Variants in FOXP2 observed in about 807,000 individuals in gnomAD.
The protein encoded by FOXP2 is forkhead box P2.
FOXP2 carries 12 observed loss-of-function variants against 115.8 expected under a neutral mutation model. That is an observed-to-expected ratio of 0.10 (90% confidence interval 0.07 to 0.17). The LOEUF (loss-of-function observed/expected upper bound fraction) is 0.17. Among genes scored for constraint, FOXP2 ranks in the 10% least tolerant of loss-of-function variants. The probability of loss-of-function intolerance (pLI) is 1.00; values close to 1 mark genes in which losing one functional copy is unlikely to be tolerated. For missense variants in FOXP2, 629 were observed against 843.5 expected (o/e 0.75, Z 3.15); for synonymous variants, 328 against 297.7 (o/e 1.10, Z -1.05).
At chr7:114,446,663 TA>T (rs1794846486) in intron 2 of FOXP2, among the ~76,000 whole-genome samples, 1 of 151,874 alleles carries the variant, frequency 6.6e-6, no homozygotes, top group Non-Finnish European at 1.5e-5. Flanking sequence ...CAATGCAAAA[TA>T]AAAATTGCAT....
At chr7:114,668,550 C>T (rs1807303093) in intron 16 of FOXP2, 1 of 152,042 alleles carries the variant, frequency 6.6e-6, no homozygotes, top group South Asian at 2.1e-4. Context: ...GAGGGTTTCC[C>T]AAGGAATTTT....
At chr7:114,567,829 A>G (rs1801100098) in intron 3 of FOXP2, among the ~76,000 whole-genome samples, 1 of 152,056 alleles carries the variant, frequency 6.6e-6, no homozygotes, top group African/African-American at 2.4e-5. Flanking sequence ...TGTCATAGAA[A>G]GCTTTAGGGA....
At chr7:114,219,320 A>T (rs1449954661) in intron 1 of FOXP2, among the ~76,000 whole-genome samples, 1 of 152,206 alleles carries the variant, frequency 6.6e-6, no homozygotes, top group African/African-American at 2.4e-5. Flanking sequence ...AAGTGGAAAC[A>T]GTTCTTTGTT....
chr7:114,246,052 A>G (rs572648932), intron 1 of FOXP2, among the ~76,000 whole-genome samples: 1 of 152,190 alleles, frequency 6.6e-6, no homozygotes, highest in African/African-American at 2.4e-5. Flanking sequence ...TTACAGTGAC[A>G]TGATGGATTT....
intron 1 of FOXP2, among the ~76,000 whole-genome samples, chr7:114,248,134 A>T (rs1412621881): frequency 6.6e-6 from 1 of 151,356 alleles, no homozygotes; most frequent in African/African-American, 2.4e-5. Flanking sequence ...GTATAAGTTC[A>T]GTCTGTGTCT....
intron 2 of FOXP2, among the ~76,000 whole-genome samples, chr7:114,455,768 G>A (rs562446725): frequency 1.2e-4 from 18 of 151,944 alleles, no homozygotes; most frequent in Non-Finnish European, 1.9e-4. Context: ...TGACCCTACC[G>A]CTTTTTCTCT....
chr7:114,330,783 C>T (rs776799492), intron 2 of FOXP2, among the ~76,000 whole-genome samples: 18 of 151,808 alleles, frequency 1.2e-4, no homozygotes, highest in South Asian at 4.2e-4. Context: ...ACAGTAAATC[C>T]GACAATAATA....
In FOXP2 at chr7:114,689,798, AAGGAAG is replaced by A; in HGVS notation, c.2023_2028del (p.Glu675_Glu676del). The A allele has an allele frequency of 6.2e-7, 1 of 1,613,380 alleles. No homozygotes were observed. Among genetic ancestry groups the A allele is most frequent in the Non-Finnish European group, 8.5e-7 (1 of 1,179,492 alleles). On this transcript the variant is annotated inframe_deletion, in exon 17 of 17. Transcript: ENST00000350908. The stretch of plus-strand genomic sequence containing the variant: ...GTTTTTCAGACATTCAATCCACGTC[AAGGAAG>A]AGCCAGTGATTGCAGAGGATGAAGA...
At chr7:114,285,196 TG>T (rs1452480279) in intron 1 of FOXP2, among the ~76,000 whole-genome samples, 1 of 152,172 alleles carries the variant, frequency 6.6e-6, no homozygotes, top group African/African-American at 2.4e-5. Flanking sequence ...ATTAGTTTTT[TG>T]GGTTTTTTTG....
chr7:114,392,686 C>T (rs1406747468), intron 2 of FOXP2, among the ~76,000 whole-genome samples: 2 of 152,210 alleles, frequency 1.3e-5, no homozygotes, highest in Non-Finnish European at 2.9e-5. Flanking sequence ...CCCCACTCAG[C>T]TTTAGGCTCT....
chr7:114,139,263 C>G (rs1792136356), intron 1 of FOXP2, among the ~76,000 whole-genome samples: 2 of 151,986 alleles, frequency 1.3e-5, no homozygotes, highest in Non-Finnish European at 2.9e-5. Context: ...CAATACCCAT[C>G]CTCTGGGCCT....
intron 1 of FOXP2, among the ~76,000 whole-genome samples, chr7:114,424,915 C>T (rs972823301): frequency 4.7e-5 from 7 of 147,844 alleles, no homozygotes; most frequent in African/African-American, 1.7e-4. Context: ...ATCAGTATGT[C>T]TTTTTTTTTA....
In FOXP2 at chr7:114,658,263, A is replaced by G; in HGVS notation, c.1464A>G (p.Ser488=). Residue 488 remains serine (S), a synonymous_variant, in exon 11 of 17, where the codon TCA becomes TCG. Transcript: ENST00000350908. ...CAGACAAATACAACATTCCCATGTCATCAGGTAGGATATGAATGCTCAGTA... is the reference window on the plus strand; with the variant it reads ...CAGACAAATACAACATTCCCATGTCGTCAGGTAGGATATGAATGCTCAGTA... ...RHSDKYNIPM[S]SEIAPNYEFY... The G allele has an allele frequency of 6.2e-7, 1 of 1,613,692 alleles. No individual in the cohort carries two copies. Among genetic ancestry groups the G allele is most frequent in the Non-Finnish European group, 8.5e-7 (1 of 1,179,774 alleles).
intron 1 of FOXP2, among the ~76,000 whole-genome samples, chr7:114,141,270 C>G (rs182869407): frequency 0.017 from 2,588 of 152,262 alleles, 32 homozygotes; most frequent in Non-Finnish European, 0.026. Flanking sequence ...GGAAAAGAAG[C>G]ATTTCCCCCA....
upstream of FOXP2, among the ~76,000 whole-genome samples, chr7:114,410,299 C>T (rs1251602252): frequency 6.6e-6 from 1 of 152,022 alleles, no homozygotes; most frequent in Admixed American, 6.6e-5. Context: ...CCTACTTTCC[C>T]ATGACACCCA....
chr7:114,194,546 G>A (rs1793852095), intron 1 of FOXP2, among the ~76,000 whole-genome samples: 1 of 151,924 alleles, frequency 6.6e-6, no homozygotes, highest in African/African-American at 2.4e-5. Context: ...AGATAGCGCT[G>A]AATCCTCATA....
At chr7:114,222,374 T>C (rs1794647180) in intron 1 of FOXP2, among the ~76,000 whole-genome samples, 1 of 152,184 alleles carries the variant, frequency 6.6e-6, no homozygotes, top group African/African-American at 2.4e-5. Context: ...GTTCTTGAAC[T>C]CCTGGGCTCA....
Position 114,236,423 on chromosome 7 carries a change from A to G in FOXP2, c.-101-51596A>G, listed in dbSNP as rs1190473309. Among the ~76,000 whole-genome samples, 5 of 152,214 alleles carry G rather than the reference A, an allele frequency of 3.3e-5. No homozygotes were observed. The East Asian group carries it at 9.6e-4, about 29-fold the overall frequency. On this transcript the variant is annotated intron_variant, in intron 1 of 17. Coordinates refer to the FOXP2 transcript ENST00000634411. ...AGCAGAAAGGTTATATTTCAGAAAC[A>G]CATGTAGTCTAATCTATGCTGGTAT...
intron 1 of FOXP2, among the ~76,000 whole-genome samples, chr7:114,135,355 AG>A (rs1371806558): frequency 6.6e-6 from 1 of 152,128 alleles, no homozygotes; most frequent in African/African-American, 2.4e-5. Flanking sequence ...TTTTTTAAAA[AG>A]GCAAAGAAAA....
Sources: allele counts gnomAD v4.1 joint callset (sites outside exome capture counted in the v4.1 genomes callset), GRCh38; gene constraint gnomAD v4.1.1; transcripts MANE v1.5; gene names NCBI Gene and HGNC (gene_info 2026-07-23, HGNC 2026-07-21).